The following GPHN variants were observed in gnomAD, a reference collection of about 807,000 sequenced individuals.
GPHN encodes the protein gephyrin.
In GPHN, 17 loss-of-function variants were observed where a neutral mutation model predicts 95.5. The observed-to-expected ratio is 0.18, with a 90% CI of 0.12 to 0.27. GPHN has a LOEUF of 0.27. GPHN is among the 10% of genes least tolerant of loss of function. The probability of loss-of-function intolerance (pLI) is 1.00; values close to 1 mark genes in which losing one functional copy is unlikely to be tolerated. For synonymous variants in GPHN, 320 were observed against 322.5 expected (o/e 0.99, Z 0.08); for missense variants, 660 against 978.1 (o/e 0.67, Z 4.34).
At chr14:66,600,451 C>T (rs1025883068) in intron 1 of GPHN, among the ~76,000 whole-genome samples, 1 of 152,104 alleles carries the variant, frequency 6.6e-6, no homozygotes, top group Non-Finnish European at 1.5e-5. Context: ...TTAGCTCTTA[C>T]TGGAATTACA....
At chr14:67,544,281 C>A in the GPHN span, among the ~76,000 whole-genome samples, 1 of 152,056 alleles carries the variant, frequency 6.6e-6, no homozygotes, top group African/African-American at 2.4e-5. Context: ...GAGAACCTGA[C>A]GATAACACTG....
intron 2 of GPHN, among the ~76,000 whole-genome samples, chr14:66,715,098 G>T (rs1010914560): frequency 6.6e-6 from 1 of 152,046 alleles, no homozygotes; most frequent in Non-Finnish European, 1.5e-5. Context: ...CTGTGAATCT[G>T]TCTGGTCCTG....
At position 67,178,433 on chromosome 14, in the gene GPHN, G is replaced by A. The variant is rs534000556; in HGVS notation, c.2080-1145G>A. 4.6e-5 allele frequency among the ~76,000 whole-genome samples: 7 copies of A among 152,318 alleles called. 1 individual carries two copies. The South Asian group carries it at 1.5e-3, about 32-fold the overall frequency. On this transcript the variant is annotated intron_variant, in intron 21 of 22. Transcript: ENST00000478722. ...TAGGGTTTCTGCTGAGAGATCCACT[G>A]TTATTTTGATGGGCTTCCCTTTGTG...
At chr14:66,787,046 C>G (rs969627355) in intron 3 of GPHN, among the ~76,000 whole-genome samples, 4 of 152,016 alleles carry the variant, frequency 2.6e-5, no homozygotes, top group Non-Finnish European at 5.9e-5. Flanking sequence ...TGTGCTAAAA[C>G]CACATAGATT....
At chr14:67,656,266 T>C in the GPHN span, 2 of 707,560 alleles carry the variant, frequency 2.8e-6, no homozygotes, top group Non-Finnish European at 4.0e-6. Context: ...AAAAAATTAA[T>C]AAATAAAAAT....
intron 9 of GPHN, among the ~76,000 whole-genome samples, chr14:66,993,715 A>G (rs2153605648): frequency 6.6e-6 from 1 of 152,302 alleles, no homozygotes; most frequent in East Asian, 1.9e-4. Flanking sequence ...GTAAATATTT[A>G]ATAGTCCTTA....
chr14:67,514,759 C>G, the GPHN span, among the ~76,000 whole-genome samples: 1 of 152,090 alleles, frequency 6.6e-6, no homozygotes, highest in Non-Finnish European at 1.5e-5. Context: ...CCTCGCTTCC[C>G]CCTGACACCC....
chr14:66,928,649 G>A (rs1287918470), intron 8 of GPHN, among the ~76,000 whole-genome samples: 1 of 151,966 alleles, frequency 6.6e-6, no homozygotes, highest in Non-Finnish European at 1.5e-5. Context: ...TTTGATGTAG[G>A]TGCTTATTGG....
intron 9 of GPHN, among the ~76,000 whole-genome samples, chr14:67,003,605 G>A (rs1261624281): frequency 6.6e-6 from 1 of 151,614 alleles, no homozygotes; most frequent in Non-Finnish European, 1.5e-5. Flanking sequence ...TAGAAATTGG[G>A]ACAAGGACTT....
intron 8 of GPHN, among the ~76,000 whole-genome samples, chr14:66,955,300 A>G (rs1358535118): frequency 1.3e-5 from 2 of 151,640 alleles, no homozygotes; most frequent in Non-Finnish European, 2.9e-5. Context: ...TTCTATTCAG[A>G]TTTTCTATTT....
chr14:66,935,479 G>A (rs1031840996), intron 8 of GPHN, among the ~76,000 whole-genome samples: 6 of 132,626 alleles, frequency 4.5e-5, no homozygotes, highest in African/African-American at 9.7e-5. Flanking sequence ...ATGTGTATAT[G>A]TATATATATG....
chr14:67,443,134 T>A, the GPHN span, among the ~76,000 whole-genome samples: 1 of 152,068 alleles, frequency 6.6e-6, no homozygotes, highest in African/African-American at 2.4e-5. Context: ...GGTGGGAGGA[T>A]TGCTTGAGCC....
chr14:67,263,722 T>A, the GPHN span, among the ~76,000 whole-genome samples: 189 of 152,204 alleles, frequency 1.2e-3, no homozygotes, highest in Non-Finnish European at 2.4e-3. Context: ...TGATGATAAC[T>A]TTGAGGAGTT....
At chr14:67,312,919 A>G in the GPHN span, among the ~76,000 whole-genome samples, 3 of 152,218 alleles carry the variant, frequency 2.0e-5, no homozygotes, top group Non-Finnish European at 4.4e-5. Context: ...GGAATTATGT[A>G]TAACTTCAGC....
the GPHN span, among the ~76,000 whole-genome samples, chr14:67,247,170 T>A: frequency 6.6e-6 from 1 of 152,238 alleles, no homozygotes; most frequent in Non-Finnish European, 1.5e-5. Flanking sequence ...AGTCTTCTCA[T>A]CTATGAACAT....
chr14:67,584,149 C>G, the GPHN span: 4 of 1,609,378 alleles, frequency 2.5e-6, no homozygotes, highest in Non-Finnish European at 3.4e-6. Context: ...AAGGAGCTGC[C>G]CACACCCTTA....
chr14:67,015,670 C>T (rs912040769), intron 9 of GPHN, among the ~76,000 whole-genome samples: 5 of 152,070 alleles, frequency 3.3e-5, no homozygotes, highest in African/African-American at 1.2e-4. Flanking sequence ...CCACTCGAGC[C>T]TGGTGACAGA....
At chr14:67,507,430 T>G in the GPHN span, among the ~76,000 whole-genome samples, 4 of 151,938 alleles carry the variant, frequency 2.6e-5, no homozygotes, top group Non-Finnish European at 5.9e-5. Context: ...GGAGCAGGGA[T>G]AGGGGGAAGA....
chr14:66,608,019 T>C (rs565735341), intron 1 of GPHN, among the ~76,000 whole-genome samples: 1 of 140,328 alleles, frequency 7.1e-6, no homozygotes, highest in Non-Finnish European at 1.5e-5. Flanking sequence ...TAATTATTTC[T>C]TTTCTTTTAT....
Sources: gnomAD v4.1 joint callset for allele counts (sites outside exome capture counted in the v4.1 genomes callset) on GRCh38, gnomAD v4.1.1 for gene constraint, MANE v1.5 for transcripts, NCBI Gene and HGNC (gene_info 2026-07-23, HGNC 2026-07-21) for gene names.